Variants in CEMIP2 observed in about 807,000 individuals in gnomAD.
The protein encoded by CEMIP2 is cell surface hyaluronidase CEMIP2.
In CEMIP2, 79 loss-of-function variants were observed where a neutral mutation model predicts 146.9. The observed-to-expected ratio is 0.54, with a 90% CI of 0.45 to 0.65. CEMIP2 has a LOEUF of 0.65. CEMIP2 is among the 30% of genes least tolerant of loss of function. The pLI is 0.00. For missense variants in CEMIP2, 1,596 were observed against 1,696.2 expected (o/e 0.94, Z 1.04); for synonymous variants, 601 against 606.3 (o/e 0.99, Z 0.13).
chr9:71,734,708 T>C, intron 6 of CEMIP2, 98 bp downstream of exon 6: 1 of 1,035,322 alleles, frequency 9.7e-7, no homozygotes. Context: ...ATGGTGGTGG[T>C]GGTAGTGATG....
chr9:71,699,831 G>C (rs928213773), intron 19 of CEMIP2, among the ~76,000 whole-genome samples: 2 of 152,090 alleles, frequency 1.3e-5, no homozygotes, highest in African/African-American at 4.8e-5. Flanking sequence ...GATGTCACTG[G>C]TTACTCTAGG....
intron 21 of CEMIP2, among the ~76,000 whole-genome samples, chr9:71,692,284 T>C (rs1055628027): frequency 2.0e-5 from 3 of 147,968 alleles, no homozygotes; most frequent in South Asian, 2.1e-4. Context: ...CTCTGGGGCA[T>C]AGCCTGCCTG....
At chr9:71,736,526 A>G (rs1367292597) in intron 5 of CEMIP2, among the ~76,000 whole-genome samples, 3 of 152,196 alleles carry the variant, frequency 2.0e-5, no homozygotes, top group Non-Finnish European at 2.9e-5. Context: ...TCCTGGGATG[A>G]TGTAAATTAT....
rs778093226 is a variant in CEMIP2, at chr9:71,712,167, G to A, written c.2685C>T (p.Tyr895=). ...FKKYVPTPDR[Y]SSAIGFLMKN... is the part of the protein sequence containing the mutation. Reference sequence around the variant, plus strand: ...TCATGAGGAAGCCAATTGCACTGCTGTACCTATCTGGAGTTGGCACATATT... The same window carrying A: ...TCATGAGGAAGCCAATTGCACTGCTATACCTATCTGGAGTTGGCACATATT... Residue 895 remains tyrosine, a synonymous_variant, in exon 16 of 24, where the codon TAC becomes TAT. Coordinates refer to ENST00000377044, the MANE Select transcript of CEMIP2 (RefSeq NM_013390.3). 2.5e-6 allele frequency: 4 copies of A among 1,614,188 alleles called. No individual in the cohort carries two copies. In the South Asian group the frequency reaches 4.4e-5, roughly 18 times the overall value.
chr9:71,760,458 G>A lies in CEMIP2; in HGVS notation c.-13+7899C>T, dbSNP rs528845541. Among the ~76,000 whole-genome samples, 8 of 143,850 alleles carry A rather than the reference G, an allele frequency of 5.6e-5. No homozygotes were observed. In the East Asian group the frequency reaches 1.5e-3, roughly 28 times the overall value. The allele number at this position is 143,850 out of a possible 152,430, so 94.4% of individuals were successfully genotyped here. ...AGAAATATTTAAAATTCATTCCTAT[G>A]TTTCTGTCATTTATGCAAGGTAAAG... On this transcript the variant is annotated intron_variant, in intron 1 of 23. Transcript: ENST00000377044.
chr9:71,768,833 G>A (rs1223644383), upstream of CEMIP2: 1 of 147,016 alleles, frequency 6.8e-6, no homozygotes, highest in Non-Finnish European at 1.5e-5. Context: ...GGCTTGCTAG[G>A]GTCGCGCTCA....
At chr9:71,708,771 C>T (rs1157543703) in intron 17 of CEMIP2, among the ~76,000 whole-genome samples, 1 of 152,082 alleles carries the variant, frequency 6.6e-6, no homozygotes, top group African/African-American at 2.4e-5. Flanking sequence ...CTTTCTTGTC[C>T]ACTCACTCCT....
intron 1 of CEMIP2, among the ~76,000 whole-genome samples, chr9:71,758,824 T>G (rs1411966837): frequency 2.0e-5 from 3 of 152,196 alleles, no homozygotes; most frequent in African/African-American, 7.2e-5. Context: ...AATATTTTGA[T>G]TTCCTAAAAT....
At chr9:71,717,458 G>A (rs887209968) in intron 13 of CEMIP2, among the ~76,000 whole-genome samples, 1 of 152,004 alleles carries the variant, frequency 6.6e-6, no homozygotes, top group Non-Finnish European at 1.5e-5. Context: ...CAACATGCAT[G>A]AGACCACTCC....
At chr9:71,688,544 T>C (rs968827179) in intron 22 of CEMIP2, among the ~76,000 whole-genome samples, 7 of 150,718 alleles carry the variant, frequency 4.6e-5, no homozygotes, top group African/African-American at 1.7e-4. Context: ...GCCACCAACA[T>C]GCCGGCTAGT....
At chr9:71,700,855 T>A (rs1324248023) in intron 18 of CEMIP2, 31 bp from the exon 19 acceptor site, 1 of 1,579,444 alleles carries the variant, frequency 6.3e-7, no homozygotes, top group East Asian at 2.2e-5. Flanking sequence ...AAAATTAGTT[T>A]ACACTTCAGC....
chr9:71,710,934 A>G (rs954977800), intron 16 of CEMIP2, among the ~76,000 whole-genome samples: 1 of 152,140 alleles, frequency 6.6e-6, no homozygotes, highest in African/African-American at 2.4e-5. Flanking sequence ...ACTTTGATAA[A>G]CCTATCAAGC....
Position 71,728,319 on chromosome 9 carries a change from G to A in CEMIP2, c.2049+1526C>T, listed in dbSNP as rs1228551421. Among the ~76,000 whole-genome samples the A allele has an allele frequency of 6.9e-3, 228 of 32,910 alleles. 7 individuals carry two copies. Among genetic ancestry groups the A allele is most frequent in the African/African-American group, 0.026 (166 of 6,378 alleles). 21.6% of individuals were successfully genotyped at this position (32,910 alleles called of 152,430 possible). On this transcript the variant is annotated intron_variant, in intron 10 of 23. Transcript: ENST00000377044. ...TATATATACATATATATATATATAC[G>A]TATATATATATATCTCAGCAGGTAT...
At chr9:71,723,208 G>C (rs183561146) in intron 11 of CEMIP2, among the ~76,000 whole-genome samples, 1 of 150,814 alleles carries the variant, frequency 6.6e-6, no homozygotes, top group Non-Finnish European at 1.5e-5. Context: ...AATGGAGAAG[G>C]CTAAAGAGGA....
At position 71,745,074 on chromosome 9, in the gene CEMIP2, G is replaced by T. The variant is rs763267099; in HGVS notation, c.978C>A (p.Thr326=). 1.2e-6 allele frequency: 2 copies of T among 1,614,144 alleles called. No homozygotes were observed. Among genetic ancestry groups the T allele is most frequent in the Non-Finnish European group, 8.5e-7 (1 of 1,180,010 alleles). The part of the protein sequence containing the change: ...DSAAKSLLQG[T]IQMIQERLGS... ...CCAACCGTTCCTGGATCATCTGGAT[G>T]GTTCCTTGTAAGAGACTTTTAGCGG... The change falls in exon 4 of 24, where the codon ACC becomes ACA. Residue 326 remains threonine, a synonymous_variant. Coordinates refer to ENST00000377044, the MANE Select transcript of CEMIP2 (RefSeq NM_013390.3).
At chr9:71,693,792 CT>C (rs1822303741) in intron 21 of CEMIP2, among the ~76,000 whole-genome samples, 1 of 152,234 alleles carries the variant, frequency 6.6e-6, no homozygotes, top group Non-Finnish European at 1.5e-5. Context: ...GTGTACACAT[CT>C]GCTTTGGTCT....
intron 5 of CEMIP2, among the ~76,000 whole-genome samples, chr9:71,739,360 TCA>T (rs1491548240): frequency 1.5e-4 from 4 of 27,432 alleles, no homozygotes; most frequent in Non-Finnish European, 2.4e-4. Context: ...AGACTCTGTC[TCA>T]AAAAAAAAAA....
chr9:71,747,610 C>T (rs1824125886), intron 2 of CEMIP2, among the ~76,000 whole-genome samples: 1 of 152,118 alleles, frequency 6.6e-6, no homozygotes, highest in East Asian at 1.9e-4. Context: ...GCTTGAAAAA[C>T]CATAGGAAGA....
At chr9:71,689,991 G>C (rs956691997) in intron 22 of CEMIP2, 101 bp downstream of exon 22, 2 of 1,429,818 alleles carry the variant, frequency 1.4e-6, no homozygotes, top group African/African-American at 2.8e-5. Context: ...TGCCCTGAAT[G>C]TCCAGAGAGT....
Sources: gnomAD v4.1 joint callset for allele counts (sites outside exome capture counted in the v4.1 genomes callset) on GRCh38, gnomAD v4.1.1 for gene constraint, MANE v1.5 for transcripts, NCBI Gene and HGNC (gene_info 2026-07-23, HGNC 2026-07-21) for gene names.